The following ADAMTS2 variants were observed in gnomAD, a reference collection of about 807,000 sequenced individuals.
ADAMTS2 encodes the protein ADAM metallopeptidase with thrombospondin type 1 motif 2.
ADAMTS2 carries 50 observed loss-of-function variants against 123.0 expected under a neutral mutation model. That is an observed-to-expected ratio of 0.41 (90% confidence interval 0.32 to 0.51). ADAMTS2 has a LOEUF of 0.51. Ranked by LOEUF, ADAMTS2 falls within the 20% of genes least tolerant of loss-of-function variation. The pLI is 0.35. For missense variants in ADAMTS2, 1,494 were observed against 1,705.2 expected (o/e 0.88, Z 2.18); for synonymous variants, 678 against 695.4 (o/e 0.98, Z 0.39).
chr5:179,153,560 C>A lies in ADAMTS2; in HGVS notation c.1446G>T (p.Pro482=). 1 of 1,610,170 alleles carries A rather than the reference C, an allele frequency of 6.2e-7. No homozygotes were observed. Among genetic ancestry groups the A allele is most frequent in the Non-Finnish European group, 8.5e-7 (1 of 1,179,790 alleles). ...GCTCGTTCATGGAGTAGTGCAGTCC[C>A]GGGAGCTGGGGCAGCGCCGGCCAGT... ...AHDWPALPQL[P]GLHYSMNEQC... The change falls in exon 9 of 22, where the codon CCG becomes CCT. Residue 482 remains proline, a synonymous_variant. Coordinates refer to ENST00000251582, the MANE Select transcript of ADAMTS2 (RefSeq NM_014244.5).
intron 3 of ADAMTS2, among the ~76,000 whole-genome samples, chr5:179,261,832 G>A (rs1036992454): frequency 1.3e-5 from 2 of 152,186 alleles, no homozygotes; most frequent in Non-Finnish European, 2.9e-5. Context: ...TGGCAGGCAA[G>A]GGGAAGCTGG....
Position 179,148,434 on chromosome 5 carries a change from C to T in ADAMTS2, c.1629+3708G>A, listed in dbSNP as rs562265438. On this transcript the variant is annotated intron_variant, in intron 10 of 21. Transcript: ENST00000251582. Reference sequence around the variant, plus strand: ...CCAGTGACTGGTCAGGGTTGCGGTTCAAACGTTGCTTCAATTGGGCCAACT... The same window carrying T: ...CCAGTGACTGGTCAGGGTTGCGGTTTAAACGTTGCTTCAATTGGGCCAACT... Among the ~76,000 whole-genome samples, 5 of 152,290 alleles carry T rather than the reference C, an allele frequency of 3.3e-5. No homozygotes were observed. The South Asian group carries it at 6.2e-4, about 19-fold the overall frequency.
At chr5:179,119,183 G>C (rs1295485175) in intron 21 of ADAMTS2, among the ~76,000 whole-genome samples, 1 of 152,198 alleles carries the variant, frequency 6.6e-6, no homozygotes, top group Non-Finnish European at 1.5e-5. Context: ...GGGAAGCACT[G>C]TCTGACCCAA....
chr5:179,152,215 T>C lies in ADAMTS2; in HGVS notation c.1556A>G (p.His519Arg). The C allele has an allele frequency of 6.2e-7, 1 of 1,614,082 alleles. No homozygotes were observed. The highest frequency in any genetic ancestry group is 8.5e-7 in the Non-Finnish European group (1 of 1,179,952). ...FDPCKQLWCS[H>R]PDNPYFCKTK... is the part of the protein sequence containing the mutation. Reference sequence around the variant, plus strand: ...CTTGCAAAAGTAGGGGTTGTCAGGATGGCTGCACCACAGCTGCTTGCAGGG... The same window carrying C: ...CTTGCAAAAGTAGGGGTTGTCAGGACGGCTGCACCACAGCTGCTTGCAGGG... Residue 519 changes from histidine (H) to arginine (R), a missense_variant, in exon 10 of 22, where the codon CAT (histidine) becomes CGT (arginine). This residue lies in a region of ADAMTS2 where 953 missense variants were observed against 1,124.7 expected (regional missense o/e 0.85). Transcript: ENST00000251582.
chr5:179,323,669 C>T (rs1349857224), intron 2 of ADAMTS2, among the ~76,000 whole-genome samples: 1 of 152,226 alleles, frequency 6.6e-6, no homozygotes, highest in Non-Finnish European at 1.5e-5. Flanking sequence ...CTTAACAGCA[C>T]CTGCGCCCGT....
rs771539887 is a variant in ADAMTS2 at position 179,307,020 on chromosome 5, G to A, written c.535-33956C>T. Among the ~76,000 whole-genome samples, 1 of 152,160 alleles carries A rather than the reference G, an allele frequency of 6.6e-6. No individual in the cohort carries two copies. Among genetic ancestry groups the A allele is most frequent in the Non-Finnish European group, 1.5e-5 (1 of 68,022 alleles). The stretch of plus-strand genomic sequence containing the variant: ...TCCCACATCTGTTGTGGCCCTGGCA[G>A]GATCAACCCTGGGCCTGAGTCCTTG... On this transcript the variant is annotated intron_variant, in intron 2 of 21. Coordinates refer to ENST00000251582, the MANE Select transcript of ADAMTS2 (RefSeq NM_014244.5). This position sits in a 1 kb window ranked among gnomAD's most constrained non-coding sequence, Gnocchi z 5.6.
At position 179,212,239 on chromosome 5, in the gene ADAMTS2, ACGGGCTCTGTGGG is replaced by A. The variant is rs1350262594; in HGVS notation, c.689-4537_689-4525del. Among the ~76,000 whole-genome samples the A allele has an allele frequency of 7.4e-3, 966 of 131,122 alleles. 31 individuals are homozygous for A. The highest frequency in any genetic ancestry group is 0.01 in the South Asian group (40 of 3,950). The allele number at this position is 131,122 out of a possible 152,430, so 86.0% of individuals were successfully genotyped here. On this transcript the variant is annotated intron_variant, in intron 3 of 21. Transcript: ENST00000251582. The stretch of plus-strand genomic sequence containing the variant: ...CTGTGGGCAGGTGCAGTGGGCAGGC[ACGGGCTCTGTGGG>A]CAGGTGTGGGCTCTGAAGGCAGGTG...
chr5:179,194,493 C>T (rs1010482355), intron 4 of ADAMTS2, among the ~76,000 whole-genome samples: 1 of 152,210 alleles, frequency 6.6e-6, no homozygotes, highest in African/African-American at 2.4e-5. Flanking sequence ...AGAGGCAGAG[C>T]GGATGGCCTG....
At chr5:179,258,967 C>T (rs1766141752) in intron 3 of ADAMTS2, among the ~76,000 whole-genome samples, 1 of 152,200 alleles carries the variant, frequency 6.6e-6, no homozygotes, top group African/African-American at 2.4e-5. Context: ...TTCCCATGGC[C>T]ACCTGATCCA....
At chr5:179,319,383 A>G (rs1202229578) in intron 2 of ADAMTS2, among the ~76,000 whole-genome samples, 2 of 152,262 alleles carry the variant, frequency 1.3e-5, no homozygotes, top group East Asian at 3.9e-4. Flanking sequence ...CAGGTATCAT[A>G]TGTACAGGCA....
intron 2 of ADAMTS2, among the ~76,000 whole-genome samples, chr5:179,294,987 C>T (rs891840603): frequency 1.2e-4 from 19 of 152,196 alleles, no homozygotes; most frequent in Non-Finnish European, 2.1e-4. Flanking sequence ...TCTAGGCGAA[C>T]GGGCCTGTGG....
At position 179,197,704 on chromosome 5, in the gene ADAMTS2, C is replaced by A. The variant is rs1460552452; in HGVS notation, c.891+9809G>T. On this transcript the variant is annotated intron_variant, in intron 4 of 21. Coordinates refer to ENST00000251582, the MANE Select transcript of ADAMTS2 (RefSeq NM_014244.5). The surrounding 1 kb of genome is among the most constrained non-coding windows in gnomAD (Gnocchi z 4.2). Reference sequence around the variant, plus strand: ...CCTGGGTGACTGAGTGAGACCCTGTCTCAAAAAAGAAAAAAATGCATATAT... The same window carrying A: ...CCTGGGTGACTGAGTGAGACCCTGTATCAAAAAAGAAAAAAATGCATATAT... Among the ~76,000 whole-genome samples, 1 of 152,020 alleles carries A rather than the reference C, an allele frequency of 6.6e-6. No individual in the cohort carries two copies. The highest frequency in any genetic ancestry group is 1.5e-5 in the Non-Finnish European group (1 of 68,018).
At chr5:179,343,727 G>A (rs1410199662) in intron 2 of ADAMTS2, 40 bp downstream of exon 2, 1 of 1,597,792 alleles carries the variant, frequency 6.3e-7, no homozygotes. Context: ...ACCCAGGCGA[G>A]AGCAGCGGAG....
At chr5:179,215,563 C>T (rs1047863781) in intron 3 of ADAMTS2, among the ~76,000 whole-genome samples, 2 of 152,116 alleles carry the variant, frequency 1.3e-5, no homozygotes, top group Non-Finnish European at 2.9e-5. Context: ...TTTCTAGAAT[C>T]CCATTAAAAG....
chr5:179,198,254 G>A (rs1252193450), intron 4 of ADAMTS2, among the ~76,000 whole-genome samples: 1 of 152,226 alleles, frequency 6.6e-6, no homozygotes, highest in Non-Finnish European at 1.5e-5. Context: ...AAAGCTGGGA[G>A]GAGCAGGAGC....
At chr5:179,305,260 TA>T (rs1015046601) in intron 2 of ADAMTS2, among the ~76,000 whole-genome samples, 13 of 152,208 alleles carry the variant, frequency 8.5e-5, no homozygotes, top group African/African-American at 3.1e-4. Context: ...ACATCAGGAA[TA>T]AAGGAAGAGC....
At chr5:179,267,476 G>T (rs1350088773) in intron 3 of ADAMTS2, among the ~76,000 whole-genome samples, 1 of 152,186 alleles carries the variant, frequency 6.6e-6, no homozygotes, top group Non-Finnish European at 1.5e-5. Context: ...TCACTGGCAC[G>T]TTGCTGTCTG....
chr5:179,319,485 A>T (rs1757098170), intron 2 of ADAMTS2, among the ~76,000 whole-genome samples: 1 of 151,948 alleles, frequency 6.6e-6, no homozygotes, highest in African/African-American at 2.4e-5. Context: ...GCACTCACAC[A>T]TGCCTCACAT....
rs2113436212 is a variant in ADAMTS2, at chr5:179,234,031, T to TTG, written c.689-26317_689-26316insCA. Among the ~76,000 whole-genome samples, 1 of 152,282 alleles carries TTG rather than the reference T, an allele frequency of 6.6e-6. No individual in the cohort carries two copies. The highest frequency in any genetic ancestry group is 2.1e-4 in the South Asian group (1 of 4,830). ...GGTCACAATGGTTAAGACCCTCCTG[T>TTG]GTCCAGGACCCCGACTGCCAGGCCC... On this transcript the variant is annotated intron_variant, in intron 3 of 21. Transcript: ENST00000251582. The surrounding 1 kb of genome is among the most constrained non-coding windows in gnomAD (Gnocchi z 4.7).
Sources: gnomAD v4.1 joint callset for allele counts (sites outside exome capture counted in the v4.1 genomes callset) on GRCh38, gnomAD v4.1.1 for gene constraint, gnomAD v4.1.1 regional missense constraint, Gnocchi (gnomAD v3.1) non-coding constraint, MANE v1.5 for transcripts, NCBI Gene and HGNC (gene_info 2026-07-23, HGNC 2026-07-21) for gene names.